Variants in FHIT observed in about 807,000 individuals in gnomAD.
FHIT encodes fragile histidine triad diadenosine triphosphatase.
A neutral mutation model predicts 17.9 loss-of-function variants in FHIT; 19 were observed. The observed-to-expected ratio is 1.06, with a 90% CI of 0.74 to 1.56. FHIT has a LOEUF of 1.56. FHIT is among the 40% of genes most tolerant of loss of function. FHIT has a pLI of 0.00. For missense variants in FHIT, 248 were observed against 189.2 expected, an observed-to-expected ratio of 1.31 and a Z score of -1.82; for synonymous variants, 81 against 69.7, an observed-to-expected ratio of 1.16 and a Z score of -0.81.
intron 2 of FHIT, among the ~76,000 whole-genome samples, chr3:61,144,526 A>T (rs1204846411): frequency 6.6e-6 from 1 of 152,170 alleles, no homozygotes; most frequent in Non-Finnish European, 1.5e-5. Flanking sequence ...TTTTGTGTGG[A>T]TATGTTTTTA....
At chr3:60,111,139 T>C (rs1259165244) in intron 5 of FHIT, among the ~76,000 whole-genome samples, 2 of 152,196 alleles carry the variant, frequency 1.3e-5, no homozygotes, top group African/African-American at 2.4e-5. Context: ...AAAAAAAGTA[T>C]ATGTTGTTTC....
At chr3:60,322,125 C>T (rs185094654) in intron 5 of FHIT, among the ~76,000 whole-genome samples, 2 of 152,318 alleles carry the variant, frequency 1.3e-5, no homozygotes, top group Admixed American at 6.5e-5. Flanking sequence ...CATAGAAATA[C>T]CGTGGGCCCA....
At chr3:60,338,911 T>A (rs1386125996) in intron 5 of FHIT, among the ~76,000 whole-genome samples, 4 of 152,172 alleles carry the variant, frequency 2.6e-5, no homozygotes, top group Admixed American at 6.5e-5. Flanking sequence ...CTCAGCGCAC[T>A]ACTTAATAGC....
At chr3:61,219,327 ATGTGTGTGTGTGTGTG>A (rs72023729) in intron 1 of FHIT, among the ~76,000 whole-genome samples, 6 of 146,890 alleles carry the variant, frequency 4.1e-5, no homozygotes, top group African/African-American at 1.5e-4. Context: ...AAATCTAAAA[ATGTGTGTGTGTGTGTG>A]TGTGTGTGTG....
chr3:60,075,387 T>C (rs1471265591), intron 5 of FHIT, among the ~76,000 whole-genome samples: 2 of 152,116 alleles, frequency 1.3e-5, no homozygotes, highest in Non-Finnish European at 2.9e-5. Flanking sequence ...CTCAAAAATA[T>C]ACTGTGACCT....
chr3:60,703,859 C>A (rs1201552696), intron 4 of FHIT, among the ~76,000 whole-genome samples: 4 of 152,024 alleles, frequency 2.6e-5, no homozygotes, highest in Non-Finnish European at 5.9e-5. Context: ...AATAATTTTC[C>A]ACTTTCTTCT....
rs370585403 is a variant in FHIT at position 59,946,982 on chromosome 3, TTG to T, written c.280-24570_280-24569del. Among the ~76,000 whole-genome samples the T allele has an allele frequency of 2.3e-3, 348 of 152,302 alleles. 1 individual carries two copies. Among genetic ancestry groups the T allele is most frequent in the African/African-American group, 7.9e-3 (329 of 41,570 alleles). On this transcript the variant is annotated intron_variant, in intron 7 of 9. Transcript: ENST00000492590. Reference sequence around the variant, plus strand: ...ACTGGCCTGAACTTTTCTATTTTTATTGTGTCTCTGCCAGATTTTGGTATCAG... The same window carrying T: ...ACTGGCCTGAACTTTTCTATTTTTATTGTCTCTGCCAGATTTTGGTATCAG...
chr3:59,955,816 T>G (rs11714243), intron 7 of FHIT, among the ~76,000 whole-genome samples: 7,312 of 152,290 alleles, frequency 0.048, 223 homozygotes, highest in Middle Eastern at 0.099. Flanking sequence ...CGTTTTTCTT[T>G]ATTTCTACCA....
At chr3:60,833,269 G>A (rs930368033) in intron 3 of FHIT, among the ~76,000 whole-genome samples, 1 of 152,194 alleles carries the variant, frequency 6.6e-6, no homozygotes, top group Admixed American at 6.5e-5. Flanking sequence ...TTCCTCCTGG[G>A]GAAGTAGGGA....
At chr3:60,578,440 A>AACAC (rs71748891) in intron 4 of FHIT, among the ~76,000 whole-genome samples, 9,754 of 144,214 alleles carry the variant, frequency 0.068, 371 homozygotes, top group Middle Eastern at 0.18. Flanking sequence ...CCATCTACAA[A>AACAC]ACACACACAC....
intron 5 of FHIT, among the ~76,000 whole-genome samples, chr3:60,508,674 G>C (rs1030097226): frequency 6.6e-6 from 1 of 152,142 alleles, no homozygotes; most frequent in Non-Finnish European, 1.5e-5. Flanking sequence ...CTCTGAGCTA[G>C]CTTGAATTCT....
chr3:60,950,816 C>G (rs1204561219), intron 3 of FHIT, among the ~76,000 whole-genome samples: 1 of 150,944 alleles, frequency 6.6e-6, no homozygotes, highest in Non-Finnish European at 1.5e-5. Context: ...AGCCACCATG[C>G]CCGGCCTAGG....
chr3:60,156,075 C>T (rs189953475), intron 5 of FHIT, among the ~76,000 whole-genome samples: 12 of 152,212 alleles, frequency 7.9e-5, no homozygotes, highest in East Asian at 5.8e-4. Flanking sequence ...CATTTAGGGC[C>T]GGGTGTGGGG....
At chr3:61,007,406 G>T (rs763274127) in intron 3 of FHIT, among the ~76,000 whole-genome samples, 1 of 152,152 alleles carries the variant, frequency 6.6e-6, no homozygotes, top group African/African-American at 2.4e-5. Flanking sequence ...AATCGATGGA[G>T]GAGCAATAAA....
chr3:61,212,575 T>G (rs964895731), intron 1 of FHIT, among the ~76,000 whole-genome samples: 2 of 152,154 alleles, frequency 1.3e-5, no homozygotes, highest in African/African-American at 4.8e-5. Context: ...TGGAAAACAC[T>G]CTGCAGGATA....
intron 5 of FHIT, among the ~76,000 whole-genome samples, chr3:60,248,705 G>C (rs987727353): frequency 4.6e-5 from 7 of 151,970 alleles, no homozygotes; most frequent in Admixed American, 2.0e-4. Flanking sequence ...CAGGTTGAAG[G>C]GTGGCAGAAT....
At chr3:60,411,679 T>C (rs1702066503) in intron 5 of FHIT, among the ~76,000 whole-genome samples, 1 of 152,144 alleles carries the variant, frequency 6.6e-6, no homozygotes, top group Admixed American at 6.5e-5. Context: ...AAATTGTGTT[T>C]TAGATTAGGT....
chr3:60,390,529 G>A (rs1298570849), intron 5 of FHIT, among the ~76,000 whole-genome samples: 2 of 151,432 alleles, frequency 1.3e-5, no homozygotes, highest in Non-Finnish European at 2.9e-5. Flanking sequence ...AACGGCCTCA[G>A]GCAAGTCCTT....
chr3:60,043,934 A>C (rs1320779340), intron 5 of FHIT, among the ~76,000 whole-genome samples: 1 of 152,230 alleles, frequency 6.6e-6, no homozygotes, highest in Non-Finnish European at 1.5e-5. Context: ...AAAACAGAAT[A>C]ATCCAAACGA....
Sources: allele counts gnomAD v4.1 joint callset (sites outside exome capture counted in the v4.1 genomes callset), GRCh38; gene constraint gnomAD v4.1.1; transcripts MANE v1.5; gene names NCBI Gene and HGNC (gene_info 2026-07-23, HGNC 2026-07-21).